ACTR8: variants seen among roughly 807,000 people sequenced by gnomAD.
ACTR8 encodes the protein actin-related protein 8.
Under a neutral mutation model 84.3 loss-of-function variants are expected in ACTR8, and 70 were observed. That is an observed-to-expected ratio of 0.83 (90% CI 0.68 to 1.01). The LOEUF (loss-of-function observed/expected upper bound fraction) is 1.01, where lower values mean the gene tolerates loss of function less well. Among genes scored for constraint, ACTR8 ranks in the 50% least tolerant of loss-of-function variants. ACTR8 has a pLI of 0.00. For synonymous variants in ACTR8, 268 were observed against 275.2 expected (o/e 0.97, Z 0.26); for missense variants, 672 against 775.4 (o/e 0.87, Z 1.58).
chr3:53,872,529 A>T lies in ACTR8; in HGVS notation c.1162-5T>A. The T allele has an allele frequency of 1.3e-6, 2 of 1,585,588 alleles. No homozygotes were observed. The highest frequency in any genetic ancestry group is 1.7e-6 in the Non-Finnish European group (2 of 1,171,056). The stretch of plus-strand genomic sequence containing the variant: ...GTAAAACAAAGCCATTGGAGCCTGT[A>T]CATGAAGAAAAAGAGTGATCAACAA... On this transcript the variant is annotated splice_region_variant and splice_polypyrimidine_tract_variant and intron_variant, in intron 9 of 12. Coordinates refer to ENST00000335754, the MANE Select transcript of ACTR8 (RefSeq NM_022899.5).
rs764790737 is a variant in ACTR8, at chr3:53,877,656, T to C, written c.501A>G (p.Val167=). Residue 167 remains valine (V), a synonymous_variant, in exon 4 of 13, where the codon GTA becomes GTG. Coordinates refer to ENST00000335754, the MANE Select transcript of ACTR8 (RefSeq NM_022899.5). ...TNTSHHPEYL[V]GEEALYVNPL... ...TAAAGAAGTTTCTTACCTCTTCTCC[T>C]ACTAAATACTCAGGGTGATGAGATG... is the stretch of plus-strand genomic sequence containing the variant. The C allele has an allele frequency of 2.0e-5, 32 of 1,613,196 alleles. No homozygotes were observed. Among genetic ancestry groups the C allele is most frequent in the Middle Eastern group, 3.3e-4 (2 of 6,062 alleles).
At chr3:53,862,265 G>A (rs1215207530), downstream of ACTR8, among the ~76,000 whole-genome samples, 1 of 152,108 alleles carries the variant, frequency 6.6e-6, no homozygotes, top group East Asian at 1.9e-4. Flanking sequence ...TCTAGATTGG[G>A]AGGCCATAAG....
chr3:53,876,094 A>G lies in ACTR8; in HGVS notation c.779-14T>C. The G allele has an allele frequency of 6.3e-7, 1 of 1,592,420 alleles. No homozygotes were observed. Among genetic ancestry groups the G allele is most frequent in the Non-Finnish European group, 8.6e-7 (1 of 1,167,130 alleles). Reference sequence around the variant, plus strand: ...GGACCACAATCCCTGGGGGGGGAAAAGAAAAGGCAGAGTAGTCATTAGCTG... The same window carrying G: ...GGACCACAATCCCTGGGGGGGGAAAGGAAAAGGCAGAGTAGTCATTAGCTG... On this transcript the variant is annotated splice_polypyrimidine_tract_variant and intron_variant, in intron 6 of 12. Coordinates refer to ENST00000335754, the MANE Select transcript of ACTR8 (RefSeq NM_022899.5).
rs923693051 is a variant in ACTR8 at position 53,870,822 on chromosome 3, C to G, written c.1567+410G>C. On this transcript the variant is annotated intron_variant, in intron 11 of 12. Coordinates refer to ENST00000335754, the MANE Select transcript of ACTR8 (RefSeq NM_022899.5). The surrounding 1 kb of genome is among the most constrained non-coding windows in gnomAD (Gnocchi z 4.1). Reference sequence around the variant, plus strand: ...GACCCCTTTCATCCTTTACATCTCTCTCAAGGTCTGCCTTCCTCAAGGAAG... The same window carrying G: ...GACCCCTTTCATCCTTTACATCTCTGTCAAGGTCTGCCTTCCTCAAGGAAG... Among the ~76,000 whole-genome samples the G allele has an allele frequency of 2.0e-5, 3 of 152,172 alleles. No individual in the cohort carries two copies. The highest frequency in any genetic ancestry group is 2.9e-5 in the Non-Finnish European group (2 of 68,022).
At position 53,871,445 on chromosome 3, in the gene ACTR8, C is replaced by T. The variant is rs1350922366; in HGVS notation, c.1354G>A (p.Glu452Lys). The part of the protein sequence containing the change: ...RKSASKPIGF[E>K]GDLRGQSSDL... Reference sequence around the variant, plus strand: ...GAGGACTGGCCACGAAGATCCCCTTCAAATCCAATAGGTTTGGATGCAGAC... The same window carrying T: ...GAGGACTGGCCACGAAGATCCCCTTTAAATCCAATAGGTTTGGATGCAGAC... The change falls in exon 11 of 13, where the codon GAA becomes AAA. Residue 452 changes from glutamate (E) to lysine (K), a missense_variant. Coordinates refer to ENST00000335754, the MANE Select transcript of ACTR8 (RefSeq NM_022899.5). The T allele has an allele frequency of 6.2e-7, 1 of 1,614,102 alleles. No homozygotes were observed. Among genetic ancestry groups the T allele is most frequent in the Admixed American group, 1.7e-5 (1 of 60,006 alleles).
At chr3:53,860,220 G>A in the ACTR8 span, 1 of 1,611,640 alleles carries the variant, frequency 6.2e-7, no homozygotes, top group Non-Finnish European at 8.5e-7. Flanking sequence ...TATCTAATGT[G>A]GAGGCACGGT....
In ACTR8 at chr3:53,871,453, A is replaced by G. The variant is rs140892263; in HGVS notation, c.1346T>C (p.Ile449Thr). 1,255 of 1,614,192 alleles carry G rather than the reference A, an allele frequency of 7.8e-4. 27 individuals carry two copies. In the Admixed American group the frequency reaches 0.02, roughly 26 times the overall value. ...TADRKSASKP[I>T]GFEGDLRGQS... ...GCCACGAAGATCCCCTTCAAATCCA[A>G]TAGGTTTGGATGCAGACTTTCGGTC... The change falls in exon 11 of 13, where the codon ATT (isoleucine) becomes ACT (threonine). Residue 449 changes from isoleucine (I) to threonine (T), a missense_variant. Coordinates refer to ENST00000335754, the MANE Select transcript of ACTR8 (RefSeq NM_022899.5).
intron 10 of ACTR8, 150 bp downstream of exon 10, chr3:53,872,234 A>G: frequency 2.2e-6 from 2 of 915,220 alleles, no homozygotes; most frequent in Non-Finnish European, 3.0e-6. Flanking sequence ...CCAGATTTTA[A>G]ACTCAGACTT....
chr3:53,874,106 G>A (rs1047673437), intron 8 of ACTR8, 105 bp downstream of exon 8: 33 of 1,247,080 alleles, frequency 2.6e-5, no homozygotes, highest in Non-Finnish European at 3.3e-5. Flanking sequence ...TTACAGGCAT[G>A]AGCCACCGTG....
chr3:53,876,388 G>A (rs1437136569), intron 6 of ACTR8, among the ~76,000 whole-genome samples: 6 of 151,926 alleles, frequency 3.9e-5, no homozygotes, highest in Non-Finnish European at 5.9e-5. Flanking sequence ...GCATGGTGGC[G>A]GGTGCCTGTA....
chr3:53,876,558 ACT>A, intron 6 of ACTR8, 60 bp downstream of exon 6: 2 of 921,824 alleles, frequency 2.2e-6, no homozygotes, highest in Admixed American at 4.4e-5. Context: ...AATAAGATTA[ACT>A]CTGTCATTAA....
chr3:53,864,678 G>A, downstream of ACTR8: 3 of 1,173,980 alleles, frequency 2.6e-6, no homozygotes, highest in East Asian at 4.7e-5. Context: ...ATTTGTCAGG[G>A]ATGGTTTACA....
downstream of ACTR8, chr3:53,865,476 C>CT (rs1334645448): frequency 1.8e-5 from 10 of 552,848 alleles, no homozygotes; most frequent in Non-Finnish European, 3.1e-5. Flanking sequence ...GTAGCATTAA[C>CT]TAACGATTGG....
downstream of ACTR8, among the ~76,000 whole-genome samples, chr3:53,862,456 A>G (rs1186677997): frequency 6.6e-6 from 1 of 152,228 alleles, no homozygotes; most frequent in East Asian, 1.9e-4. Flanking sequence ...CCTGCAGGAG[A>G]AAACTGTCCA....
In ACTR8 at chr3:53,868,711, C is replaced by T. The variant is rs199906479; in HGVS notation, c.*8G>A. 2.5e-6 allele frequency: 4 copies of T among 1,612,916 alleles called. No homozygotes were observed. Reference sequence around the variant, plus strand: ...TTTTGGTCTTCGGCAGTGACATTTCCTCCCCATTCACCACACAAACGCAGC... The same window carrying T: ...TTTTGGTCTTCGGCAGTGACATTTCTTCCCCATTCACCACACAAACGCAGC... On this transcript the variant is annotated 3_prime_UTR_variant, in exon 13 of 13. Transcript: ENST00000335754.
At position 53,868,552 on chromosome 3, in the gene ACTR8, T is replaced by G; in HGVS notation, c.*167A>C. The G allele has an allele frequency of 9.2e-7, 1 of 1,081,200 alleles. No homozygotes were observed. The allele number at this position is 1,081,200 out of a possible 1,614,324, so 67.0% of individuals were successfully genotyped here. On this transcript the variant is annotated 3_prime_UTR_variant, in exon 13 of 13. Coordinates refer to ENST00000335754, the MANE Select transcript of ACTR8 (RefSeq NM_022899.5). Reference sequence around the variant, plus strand: ...CCCTGACTAAACTGCTCAAAAGCAGTTTATATTTTCAAACCAATGTCATGT... The same window carrying G: ...CCCTGACTAAACTGCTCAAAAGCAGGTTATATTTTCAAACCAATGTCATGT...
rs142187582 is a variant in ACTR8, at chr3:53,868,364, C to T, written c.*355G>A. 2.5e-3 allele frequency: 496 copies of T among 197,804 alleles called. 4 individuals are homozygous for T. Among genetic ancestry groups the T allele is most frequent in the African/African-American group, 0.011 (459 of 42,866 alleles). 12.3% of individuals were successfully genotyped at this position (197,804 alleles called of 1,614,324 possible). ...CGTCACATACTATCCCTCATGGTTG[C>T]ATGAGGCTGCCTGCTGATGAGATTC... is the stretch of plus-strand genomic sequence containing the variant. On this transcript the variant is annotated 3_prime_UTR_variant, in exon 13 of 13. Transcript: ENST00000335754.
At chr3:53,869,586 T>C (rs2107048961) in intron 12 of ACTR8, among the ~76,000 whole-genome samples, 1 of 152,320 alleles carries the variant, frequency 6.6e-6, no homozygotes, top group South Asian at 2.1e-4. Flanking sequence ...ATCTTTCTTT[T>C]CAAGATAGTT....
At position 53,876,085 on chromosome 3, in the gene ACTR8, G is replaced by GT. The variant is rs758047106; in HGVS notation, c.779-6_779-5insA. The GT allele has an allele frequency of 1.3e-6, 2 of 1,582,596 alleles. No individual in the cohort carries two copies. The highest frequency in any genetic ancestry group is 1.6e-5 in the African/African-American group (1 of 62,828). The stretch of plus-strand genomic sequence containing the variant: ...ACTCCTGATGGACCACAATCCCTGG[G>GT]GGGGGAAAAGAAAAGGCAGAGTAGT... On this transcript the variant is annotated splice_region_variant and splice_polypyrimidine_tract_variant and intron_variant, in intron 6 of 12. Transcript: ENST00000335754.
Sources: gnomAD v4.1 joint callset for allele counts (sites outside exome capture counted in the v4.1 genomes callset) on GRCh38, gnomAD v4.1.1 for gene constraint, Gnocchi (gnomAD v3.1) non-coding constraint, MANE v1.5 for transcripts, NCBI Gene and HGNC (gene_info 2026-07-23, HGNC 2026-07-21) for gene names.